LDB2: variants seen among roughly 807,000 people sequenced by gnomAD.
The protein encoded by LDB2 is LIM domain binding 2.
A neutral mutation model predicts 44.3 loss-of-function variants in LDB2; 12 were observed. The ratio of observed to expected loss-of-function variants is 0.27; its 90% CI spans 0.17 to 0.44. The LOEUF is 0.44. Ranked by LOEUF, LDB2 falls within the 20% of genes least tolerant of loss-of-function variation. The pLI, the probability that LDB2 is intolerant of heterozygous loss-of-function variation, is 1.00. For synonymous variants in LDB2, 164 were observed against 174.8 expected, an observed-to-expected ratio of 0.94 and a Z score of 0.49; for missense variants, 344 against 473.5, an observed-to-expected ratio of 0.73 and a Z score of 2.54.
intron 5 of LDB2, among the ~76,000 whole-genome samples, chr4:16,579,351 A>T (rs532104905): frequency 5.8e-4 from 88 of 152,290 alleles, no homozygotes; most frequent in Middle Eastern, 3.4e-3. Flanking sequence ...ACACAAAAGA[A>T]GCATTTGTAA....
At chr4:16,742,675 A>G (rs1763553945) in intron 2 of LDB2, among the ~76,000 whole-genome samples, 1 of 152,218 alleles carries the variant, frequency 6.6e-6, no homozygotes, top group Admixed American at 6.5e-5. Flanking sequence ...TGAAAAAAGC[A>G]GAGGACGCTC....
At chr4:16,771,128 T>A (rs1316735727) in intron 1 of LDB2, among the ~76,000 whole-genome samples, 2 of 152,118 alleles carry the variant, frequency 1.3e-5, no homozygotes, top group African/African-American at 4.8e-5. Flanking sequence ...GTTGATCAAA[T>A]GACAAGAATA....
intron 2 of LDB2, among the ~76,000 whole-genome samples, chr4:16,727,019 T>A (rs375803210): frequency 4.6e-5 from 7 of 152,174 alleles, no homozygotes; most frequent in African/African-American, 1.7e-4. Context: ...ATGGTATAAT[T>A]AAGGTGGCTT....
chr4:16,654,255 T>C (rs528614231), intron 2 of LDB2, among the ~76,000 whole-genome samples: 1 of 152,218 alleles, frequency 6.6e-6, no homozygotes, highest in Non-Finnish European at 1.5e-5. Flanking sequence ...ATAAGGAGAT[T>C]GGAGTTGATT....
intron 7 of LDB2, 84 bp downstream of exon 7, chr4:16,508,451 T>TAA: frequency 8.7e-7 from 1 of 1,152,930 alleles, no homozygotes; most frequent in Non-Finnish European, 1.2e-6. Context: ...TTTTTTTTTC[T>TAA]AATGAAAAGA....
At chr4:16,569,120 C>T (rs971971663) in intron 5 of LDB2, among the ~76,000 whole-genome samples, 2 of 152,124 alleles carry the variant, frequency 1.3e-5, no homozygotes, top group African/African-American at 4.8e-5. Context: ...TGGTAGGTGG[C>T]CACATATTTT....
intron 1 of LDB2, among the ~76,000 whole-genome samples, chr4:16,795,956 G>A (rs970789295): frequency 6.6e-6 from 1 of 152,138 alleles, no homozygotes; most frequent in African/African-American, 2.4e-5. Flanking sequence ...TGAGAGGGAA[G>A]GAGGTCCCCG....
chr4:16,755,036 T>C (rs1766239496), intron 2 of LDB2, among the ~76,000 whole-genome samples: 1 of 152,150 alleles, frequency 6.6e-6, no homozygotes, highest in South Asian at 2.1e-4. Context: ...AAGGAAGTAT[T>C]TTCCGAATGA....
intron 5 of LDB2, among the ~76,000 whole-genome samples, chr4:16,555,925 C>G (rs983834854): frequency 6.6e-6 from 1 of 151,902 alleles, no homozygotes; most frequent in African/African-American, 2.4e-5. Flanking sequence ...CAGCCATGGC[C>G]CTTCTTCTTC....
intron 1 of LDB2, among the ~76,000 whole-genome samples, chr4:16,796,571 C>T (rs1301462161): frequency 6.6e-6 from 1 of 151,960 alleles, no homozygotes; most frequent in Non-Finnish European, 1.5e-5. Flanking sequence ...ATGTAGACAC[C>T]CCCCTTGCAA....
intron 2 of LDB2, among the ~76,000 whole-genome samples, chr4:16,717,187 A>AATG (rs1553981649): frequency 1.0e-4 from 15 of 146,932 alleles, no homozygotes; most frequent in African/African-American, 2.5e-4. Flanking sequence ...TAATAATAAT[A>AATG]ATGATGATGA....
chr4:16,745,019 A>C (rs182233078), intron 2 of LDB2, among the ~76,000 whole-genome samples: 46 of 152,326 alleles, frequency 3.0e-4, no homozygotes, highest in Middle Eastern at 6.8e-3. Context: ...CATTATACAG[A>C]TCAAAATGGT....
chr4:16,883,998 C>CT (rs1210811180), intron 1 of LDB2, among the ~76,000 whole-genome samples: 2 of 152,100 alleles, frequency 1.3e-5, no homozygotes, highest in African/African-American at 4.8e-5. Context: ...GTAATTTTTC[C>CT]TTTGTGCATC....
intron 2 of LDB2, among the ~76,000 whole-genome samples, chr4:16,739,685 T>TATGTATATATACATATGTGTGTATAC (rs1762763437): frequency 1.1e-5 from 1 of 93,010 alleles, no homozygotes; most frequent in African/African-American, 4.1e-5. Flanking sequence ...TGTGTGTATA[T>TATGTATATATACATATGTGTGTATAC]ATGTATATAT....
In LDB2 at chr4:16,772,163, C is replaced by T. The variant is rs553483513; in HGVS notation, c.133-12903G>A. ...GTGTGGTTTTCTCTTTCTCCTCATTCAAATCTCAGCATCCTTGTCATCTTT... is the reference window on the plus strand; with the variant it reads ...GTGTGGTTTTCTCTTTCTCCTCATTTAAATCTCAGCATCCTTGTCATCTTT... On this transcript the variant is annotated intron_variant, in intron 1 of 7. Transcript: ENST00000304523. 1.7e-3 allele frequency among the ~76,000 whole-genome samples: 253 copies of T among 152,282 alleles called. 1 individual carries two copies. Among genetic ancestry groups the T allele is most frequent in the Middle Eastern group, 6.8e-3 (2 of 294 alleles).
chr4:16,701,201 A>G (rs1467534957), intron 2 of LDB2, among the ~76,000 whole-genome samples: 1 of 152,218 alleles, frequency 6.6e-6, no homozygotes, highest in Non-Finnish European at 1.5e-5. Flanking sequence ...TTCTAATTCT[A>G]CCTGATTCCT....
At chr4:16,892,142 G>A (rs1273482409) in intron 1 of LDB2, among the ~76,000 whole-genome samples, 2 of 152,162 alleles carry the variant, frequency 1.3e-5, no homozygotes, top group Non-Finnish European at 2.9e-5. Context: ...TCAGAAAGGT[G>A]TATATACCTT....
chr4:16,579,132 A>G (rs1713180916), intron 5 of LDB2, among the ~76,000 whole-genome samples: 1 of 151,886 alleles, frequency 6.6e-6, no homozygotes, highest in African/African-American at 2.4e-5. Flanking sequence ...CAGGGTGACT[A>G]CAGTAAAAAA....
At chr4:16,691,540 A>G (rs1750772333) in intron 2 of LDB2, among the ~76,000 whole-genome samples, 1 of 152,190 alleles carries the variant, frequency 6.6e-6, no homozygotes, top group East Asian at 1.9e-4. Flanking sequence ...GGACAGAGAG[A>G]AGGAGATGGA....
Sources: allele counts gnomAD v4.1 joint callset (sites outside exome capture counted in the v4.1 genomes callset), GRCh38; gene constraint gnomAD v4.1.1; transcripts MANE v1.5; gene names NCBI Gene and HGNC (gene_info 2026-07-23, HGNC 2026-07-21).